The following TTBK2 variants were observed in gnomAD, a reference collection of about 807,000 sequenced individuals.
TTBK2 encodes the protein tau tubulin kinase 2.
Under a neutral mutation model 110.8 loss-of-function variants are expected in TTBK2, and 28 were observed. That is an observed-to-expected ratio of 0.25 (90% confidence interval 0.19 to 0.35). The LOEUF (loss-of-function observed/expected upper bound fraction) is 0.35. TTBK2 is among the 10% of genes least tolerant of loss of function. TTBK2 has a pLI of 1.00. For missense variants in TTBK2, 1,369 were observed against 1,500.3 expected, an observed-to-expected ratio of 0.91 and a Z score of 1.45; for synonymous variants, 532 against 527.3, an observed-to-expected ratio of 1.01 and a Z score of -0.12.
At chr15:42,772,669 G>T (rs1029696698) in intron 13 of TTBK2, among the ~76,000 whole-genome samples, 1 of 152,060 alleles carries the variant, frequency 6.6e-6, no homozygotes, top group East Asian at 1.9e-4. Flanking sequence ...GCACTGACTG[G>T]GTACAGTGGC....
At chr15:42,870,176 A>T (rs1176364457) in intron 3 of TTBK2, among the ~76,000 whole-genome samples, 1 of 152,092 alleles carries the variant, frequency 6.6e-6, no homozygotes. Context: ...TCCATCACAA[A>T]AAAAAAATAA....
intron 5 of TTBK2, among the ~76,000 whole-genome samples, chr15:42,828,346 C>T (rs1186811528): frequency 2.0e-5 from 3 of 150,064 alleles, no homozygotes; most frequent in Non-Finnish European, 4.4e-5. Context: ...AATGACAGCC[C>T]AATCCCTACT....
Position 42,783,697 on chromosome 15 carries a change from C to T in TTBK2, c.981-62G>A, listed in dbSNP as rs555129741. On this transcript the variant is annotated intron_variant, in intron 10 of 14. Coordinates refer to ENST00000267890, the MANE Select transcript of TTBK2 (RefSeq NM_173500.4). ...AAATTACTATGAGACTATCTTACAT[C>T]ATTTTATTTCTTCATTTAAATGAAC... The T allele has an allele frequency of 4.5e-5, 50 of 1,105,010 alleles. No homozygotes were observed. In the African/African-American group the frequency reaches 7.4e-4, roughly 16 times the overall value. The allele number at this position is 1,105,010 out of a possible 1,614,324, so 68.5% of individuals were successfully genotyped here. A position where few individuals can be genotyped will look rare whatever the true frequency, so the allele number is the denominator to read the frequency against.
At chr15:42,904,683 G>T (rs2030273717) in intron 1 of TTBK2, among the ~76,000 whole-genome samples, 1 of 152,038 alleles carries the variant, frequency 6.6e-6, no homozygotes, top group South Asian at 2.1e-4. Context: ...GGTAGAAAAA[G>T]ACTAAGAAAA....
At position 42,871,006 on chromosome 15, in the gene TTBK2, T is replaced by G. The variant is rs144391106; in HGVS notation, c.217+1605A>C. ...ATTGGGATCATTCAGTAAGAAGTCATTAGGCCAACATGACAGCAAGAGCAG... is the reference window on the plus strand; with the variant it reads ...ATTGGGATCATTCAGTAAGAAGTCAGTAGGCCAACATGACAGCAAGAGCAG... On this transcript the variant is annotated intron_variant, in intron 3 of 14. Transcript: ENST00000267890. 2.9e-3 allele frequency among the ~76,000 whole-genome samples: 440 copies of G among 152,254 alleles called. 4 individuals are homozygous for G. Among genetic ancestry groups the G allele is most frequent in the African/African-American group, 1.0e-2 (415 of 41,546 alleles).
At chr15:42,800,304 T>C (rs534790652) in intron 9 of TTBK2, 46 of 439,924 alleles carry the variant, frequency 1.0e-4, no homozygotes, top group African/African-American at 9.2e-4. Flanking sequence ...CATAGATGCT[T>C]GGTGCAAGCT....
chr15:42,884,540 T>C (rs1037092665), intron 1 of TTBK2, among the ~76,000 whole-genome samples: 1 of 152,176 alleles, frequency 6.6e-6, no homozygotes. Context: ...ATTTTGTTAA[T>C]GAGGTGACTT....
rs183562756 is a variant in TTBK2 at position 42,831,051 on chromosome 15, T to A, written c.292-973A>T. Among the ~76,000 whole-genome samples, 648 of 148,594 alleles carry A rather than the reference T, an allele frequency of 4.4e-3. 2 individuals are homozygous for A. Among genetic ancestry groups the A allele is most frequent in the South Asian group, 0.019 (91 of 4,684 alleles). ...GTGTGTGTGTGTGTGTGTGTGTGTG[T>A]GATCAAGTATATAGAATGCATATAC... On this transcript the variant is annotated intron_variant, in intron 4 of 14. Transcript: ENST00000267890.
At chr15:42,819,239 C>T (rs1458864887) in intron 6 of TTBK2, among the ~76,000 whole-genome samples, 2 of 151,224 alleles carry the variant, frequency 1.3e-5, no homozygotes, top group Admixed American at 6.6e-5. Flanking sequence ...GAGGCTGAGG[C>T]GGGCAGATCA....
At position 42,739,865 on chromosome 15, in the gene TTBK2, G is replaced by A. The variant is rs562515663; in HGVS notation, c.*5930C>T. The A allele has an allele frequency of 9.9e-5, 15 of 152,236 alleles. No homozygotes were observed. The East Asian group carries it at 2.9e-3, about 29-fold the overall frequency. 9.4% of individuals were successfully genotyped at this position (152,236 alleles called of 1,614,324 possible). A position where few individuals can be genotyped will look rare whatever the true frequency, so the allele number is the denominator to read the frequency against. The stretch of plus-strand genomic sequence containing the variant: ...CAGAGTTCAGATGTGGTGAAATGCT[G>A]GGCATTGATTCCTCAGGATTTAAAC... On this transcript the variant is annotated 3_prime_UTR_variant, in exon 15 of 15. Transcript: ENST00000267890.
At chr15:42,763,851 A>G (rs1889227090) in intron 13 of TTBK2, among the ~76,000 whole-genome samples, 1 of 152,178 alleles carries the variant, frequency 6.6e-6, no homozygotes, top group African/African-American at 2.4e-5. Context: ...TGAAAAGTAA[A>G]AGCTGCTTTT....
chr15:42,793,213 T>C (rs1228755358), intron 10 of TTBK2, among the ~76,000 whole-genome samples: 1 of 152,184 alleles, frequency 6.6e-6, no homozygotes, highest in Non-Finnish European at 1.5e-5. Context: ...ATTCAGTAGG[T>C]CTAGGGTAGG....
chr15:42,856,217 A>G (rs1440380227), intron 3 of TTBK2, among the ~76,000 whole-genome samples: 1 of 152,184 alleles, frequency 6.6e-6, no homozygotes, highest in Non-Finnish European at 1.5e-5. Context: ...CTTCCCAACA[A>G]TAATAACAGC....
chr15:42,767,813 A>T (rs1889458311), intron 13 of TTBK2, among the ~76,000 whole-genome samples: 1 of 152,232 alleles, frequency 6.6e-6, no homozygotes, highest in African/African-American at 2.4e-5. Context: ...CAACAAAAAA[A>T]GAGAATTTTA....
chr15:42,781,096 G>C (rs185070620), intron 11 of TTBK2, among the ~76,000 whole-genome samples: 1 of 151,796 alleles, frequency 6.6e-6, no homozygotes, highest in Admixed American at 6.6e-5. Flanking sequence ...AGAAAAAATA[G>C]AAAGATAAAG....
chr15:42,829,126 G>C (rs1381350382), intron 5 of TTBK2, among the ~76,000 whole-genome samples: 1 of 152,134 alleles, frequency 6.6e-6, no homozygotes, highest in African/African-American at 2.4e-5. Context: ...TGTAACAACT[G>C]ACGGTTATAC....
At chr15:42,814,289 TA>T (rs56374701) in intron 7 of TTBK2, among the ~76,000 whole-genome samples, 1 of 152,290 alleles carries the variant, frequency 6.6e-6, no homozygotes, top group Non-Finnish European at 1.5e-5. Flanking sequence ...GTTAAAACTT[TA>T]AGATTTGGCA....
At chr15:42,770,788 G>A (rs573411190) in intron 13 of TTBK2, among the ~76,000 whole-genome samples, 6 of 152,052 alleles carry the variant, frequency 3.9e-5, no homozygotes, top group Non-Finnish European at 7.3e-5. Flanking sequence ...AACCCAAAGA[G>A]TCTTCACCTT....
At position 42,744,322 on chromosome 15, in the gene TTBK2, G is replaced by T. The variant is rs1036601048; in HGVS notation, c.*1473C>A. The stretch of plus-strand genomic sequence containing the variant: ...CATTAGAAGATGTTCACTTGGGGAG[G>T]AAATGTATTCCTTTCTTTTTTTTTT... On this transcript the variant is annotated 3_prime_UTR_variant, in exon 15 of 15. Coordinates refer to ENST00000267890, the MANE Select transcript of TTBK2 (RefSeq NM_173500.4). 2 of 152,142 alleles carry T rather than the reference G, an allele frequency of 1.3e-5. No homozygotes were observed. The highest frequency in any genetic ancestry group is 4.8e-5 in the African/African-American group (2 of 41,422). The allele number at this position is 152,142 out of a possible 1,614,324, so 9.4% of individuals were successfully genotyped here. A position where few individuals can be genotyped will look rare whatever the true frequency, so the allele number is the denominator to read the frequency against.
Sources: allele counts gnomAD v4.1 joint callset (sites outside exome capture counted in the v4.1 genomes callset), GRCh38; gene constraint gnomAD v4.1.1; transcripts MANE v1.5; gene names NCBI Gene and HGNC (gene_info 2026-07-23, HGNC 2026-07-21).